The following OTOF variants were observed in gnomAD, a reference collection of about 807,000 sequenced individuals.
OTOF encodes otoferlin, also known as fer-1-like family member 2.
A neutral mutation model predicts 236.8 loss-of-function variants in OTOF; 218 were observed. That is an observed-to-expected ratio of 0.92 (90% CI 0.82 to 1.03). The LOEUF is 1.03. Ranked by LOEUF, OTOF falls within the 50% of genes least tolerant of loss-of-function variation. OTOF has a pLI of 0.00. For missense variants in OTOF, 2,590 were observed against 2,694.4 expected (o/e 0.96, Z 0.86); for synonymous variants, 1,041 against 1,072.5 (o/e 0.97, Z 0.57).
intron 36 of OTOF, 98 bp from the exon 37 acceptor site, chr2:26,466,174 C>G: frequency 6.7e-7 from 1 of 1,492,588 alleles, no homozygotes; most frequent in East Asian, 2.3e-5. Context: ...CAGTGAAGGG[C>G]AGGGGCAGGA....
Position 26,476,216 on chromosome 2 carries a change from C to T in OTOF, c.2778G>A (p.Leu926=). The T allele has an allele frequency of 6.2e-7, 1 of 1,609,804 alleles. No homozygotes were observed. Among genetic ancestry groups the T allele is most frequent in the East Asian group, 2.2e-5 (1 of 44,874 alleles). Residue 926 remains leucine (L), a synonymous_variant, in exon 23 of 47, where the codon CTG becomes CTA. Coordinates refer to ENST00000272371, the MANE Select transcript of OTOF (RefSeq NM_194248.3). ...LGLSKQRKEF[L]CGLPCGFQEV... Reference sequence around the variant, plus strand: ...CCTGGAAGCCACAGGGCAGGCCGCACAGGAACTCCTTGCGCTGTTTGCTGA... The same window carrying T: ...CCTGGAAGCCACAGGGCAGGCCGCATAGGAACTCCTTGCGCTGTTTGCTGA...
chr2:26,477,010 T>C lies in OTOF; in HGVS notation c.2557A>G (p.Met853Val). The change falls in exon 22 of 47, where the codon ATG (methionine) becomes GTG (valine). Residue 853 changes from methionine to valine, a missense_variant. By Grantham distance (21) the Met-to-Val change is conservative. Coordinates refer to ENST00000272371, the MANE Select transcript of OTOF (RefSeq NM_194248.3). The surrounding 1 kb of genome is among the most constrained non-coding windows in gnomAD (Gnocchi z 4.7). ...GCGACACGCTTGTTGTTGCTCATCA[T>C]CCAGATGAAGATGTCGGGAATGCTG... ...QHSIPDIFIW[M>V]MSNNKRVAYA... 6.2e-7 allele frequency: 1 copy of C among 1,608,778 alleles called. No homozygotes were observed.
At chr2:26,489,781 G>A (rs753788099) in intron 9 of OTOF, 41 bp from the exon 10 acceptor site, 7 of 1,493,976 alleles carry the variant, frequency 4.7e-6, no homozygotes, top group African/African-American at 2.8e-5. Flanking sequence ...ACTGAGGGCA[G>A]CAGCAACAGC....
rs374723889 is a variant in OTOF, at chr2:26,477,789, C to T, written c.2215-40G>A. 2.2e-5 allele frequency: 35 copies of T among 1,608,918 alleles called. 1 individual carries two copies. The highest frequency in any genetic ancestry group is 1.8e-4 in the South Asian group (16 of 90,506). On this transcript the variant is annotated intron_variant, in intron 18 of 46. Coordinates refer to ENST00000272371, the MANE Select transcript of OTOF (RefSeq NM_194248.3). This position sits in a 1 kb window ranked among gnomAD's most constrained non-coding sequence, Gnocchi z 4.7. Reference sequence around the variant, plus strand: ...TGTGGGTGATGCTGGGCCACAGCCCCGCCTCCCCAGCCTCCCCAAATGCCT... The same window carrying T: ...TGTGGGTGATGCTGGGCCACAGCCCTGCCTCCCCAGCCTCCCCAAATGCCT...
intron 8 of OTOF, among the ~76,000 whole-genome samples, chr2:26,495,905 T>C (rs751713608): frequency 1.1e-4 from 16 of 152,270 alleles, no homozygotes; most frequent in East Asian, 3.8e-4. Context: ...GGAATTCTCA[T>C]GTAAGCCTGC....
intron 11 of OTOF, among the ~76,000 whole-genome samples, chr2:26,488,052 G>A (rs552497632): frequency 3.9e-5 from 6 of 152,300 alleles, no homozygotes; most frequent in Admixed American, 6.5e-5. Flanking sequence ...AGTGTTCTAT[G>A]ATCTTGTGAT....
At chr2:26,517,129 T>C (rs1362216639) in intron 4 of OTOF, among the ~76,000 whole-genome samples, 1 of 152,182 alleles carries the variant, frequency 6.6e-6, no homozygotes, top group East Asian at 1.9e-4. Context: ...GGAGGGAATC[T>C]TGGGAGCTGC....
At chr2:26,553,279 C>A (rs1285009763) in intron 1 of OTOF, among the ~76,000 whole-genome samples, 2 of 152,164 alleles carry the variant, frequency 1.3e-5, no homozygotes, top group Admixed American at 6.5e-5. Context: ...AACTTGGCTG[C>A]AATTCTCCTC....
Position 26,537,786 on chromosome 2 carries a change from G to C in OTOF, c.80-12C>G. The C allele has an allele frequency of 6.5e-7, 1 of 1,549,030 alleles. No homozygotes were observed. Among genetic ancestry groups the C allele is most frequent in the Non-Finnish European group, 8.7e-7 (1 of 1,144,180 alleles). On this transcript the variant is annotated splice_polypyrimidine_tract_variant and intron_variant, in intron 1 of 46. Coordinates refer to ENST00000272371, the MANE Select transcript of OTOF (RefSeq NM_194248.3). Reference sequence around the variant, plus strand: ...GTAGAAGGATTGCCCTGTGGGGAAAGAGGAAATAAATTCTAGGGTCAGAGC... The same window carrying C: ...GTAGAAGGATTGCCCTGTGGGGAAACAGGAAATAAATTCTAGGGTCAGAGC...
In OTOF at chr2:26,502,300, C is replaced by G. The variant is rs762892784; in HGVS notation, c.710G>C (p.Arg237Pro). The G allele has an allele frequency of 1.9e-6, 3 of 1,614,054 alleles. No homozygotes were observed. In the South Asian group the frequency reaches 3.3e-5, roughly 18 times the overall value. ...GGTTGCAGGGCTCCCGTCCACTCAC[C>G]GCTTGTTGGAGACATTAGTGGTGAG... Reference protein sequence around the residue: ...TALTTNVSNKRSKPDIKMEPS... With the variant: ...TALTTNVSNKPSKPDIKMEPS... Residue 237 changes from arginine (R) to proline (P), a missense_variant and splice_region_variant, in exon 7 of 47, where the codon CGA becomes CCA. By Grantham distance (103) the Arg-to-Pro change is moderately radical. This residue lies in a region of OTOF where 1,379 missense variants were observed against 1,341.6 expected (regional missense o/e 1.03). Coordinates refer to ENST00000272371, the MANE Select transcript of OTOF (RefSeq NM_194248.3).
intron 2 of OTOF, among the ~76,000 whole-genome samples, chr2:26,528,736 C>T (rs1666870056): frequency 6.6e-6 from 1 of 152,234 alleles, no homozygotes; most frequent in Non-Finnish European, 1.5e-5. Flanking sequence ...CTCAAAGGCC[C>T]TGTTACCTCC....
intron 2 of OTOF, among the ~76,000 whole-genome samples, chr2:26,536,463 G>A (rs1433103952): frequency 6.6e-6 from 1 of 152,174 alleles, no homozygotes; most frequent in African/African-American, 2.4e-5. Flanking sequence ...AAGTGGTTGG[G>A]GAGGGTGTGG....
chr2:26,491,738 C>T (rs1467176544), intron 9 of OTOF, among the ~76,000 whole-genome samples: 4 of 152,160 alleles, frequency 2.6e-5, no homozygotes, highest in Non-Finnish European at 4.4e-5. Flanking sequence ...CAGCTTGTTC[C>T]GGAAGGGCAA....
At chr2:26,548,909 T>C (rs1667397658) in intron 1 of OTOF, among the ~76,000 whole-genome samples, 1 of 152,232 alleles carries the variant, frequency 6.6e-6, no homozygotes, top group Non-Finnish European at 1.5e-5. Context: ...AATGAGGTTA[T>C]ACAGTATGTG....
chr2:26,501,663 A>T, intron 8 of OTOF, 91 bp downstream of exon 8: 4 of 902,306 alleles, frequency 4.4e-6, no homozygotes, highest in Non-Finnish European at 7.5e-6. Context: ...CCCTGGATCC[A>T]TGCCTCAGTA....
rs4665326 is a variant in OTOF, at chr2:26,468,156, T to C, written c.4090+252A>G. On this transcript the variant is annotated intron_variant, in intron 33 of 46. Coordinates refer to ENST00000272371, the MANE Select transcript of OTOF (RefSeq NM_194248.3). ...ATGGAATGAGCTCTGAGGTCCCTTC[T>C]AGCTCTGATGTTCTGTGGCTCTAAA... Among the ~76,000 whole-genome samples the C allele has an allele frequency of 0.58, 88,584 of 152,086 alleles. 27,129 individuals carry two copies. The highest frequency in any genetic ancestry group is 0.98 in the East Asian group (5,098 of 5,180).
At chr2:26,551,775 A>G (rs1667468155) in intron 1 of OTOF, among the ~76,000 whole-genome samples, 1 of 152,244 alleles carries the variant, frequency 6.6e-6, no homozygotes, top group African/African-American at 2.4e-5. Context: ...TGATGAGACA[A>G]TTAGGAATTT....
intron 2 of OTOF, among the ~76,000 whole-genome samples, chr2:26,537,348 C>T (rs1558522296): frequency 6.6e-6 from 1 of 152,202 alleles, no homozygotes; most frequent in Non-Finnish European, 1.5e-5. Flanking sequence ...ACGTCCCCAA[C>T]ACTCGCCTGC....
At chr2:26,485,496 T>C (rs1558493164) in intron 11 of OTOF, among the ~76,000 whole-genome samples, 2 of 152,236 alleles carry the variant, frequency 1.3e-5, no homozygotes, top group Admixed American at 6.5e-5. Flanking sequence ...CCATGACCTA[T>C]GACTGTGTGG....
Sources: allele counts gnomAD v4.1 joint callset (sites outside exome capture counted in the v4.1 genomes callset), GRCh38; gene constraint gnomAD v4.1.1; regional missense constraint gnomAD v4.1.1; non-coding constraint Gnocchi (gnomAD v3.1); transcripts MANE v1.5; gene names NCBI Gene and HGNC (gene_info 2026-07-23, HGNC 2026-07-21).